The following LRMDA variants were observed in gnomAD, a reference collection of about 807,000 sequenced individuals.
The protein encoded by LRMDA is leucine rich melanocyte differentiation associated, also known as leucine-rich melanocyte differentiation-associated protein.
LRMDA carries 18 observed loss-of-function variants against 29.8 expected under a neutral mutation model. The observed-to-expected ratio is 0.60, with a 90% CI of 0.42 to 0.90. LRMDA has a LOEUF of 0.90. Among genes scored for constraint, LRMDA ranks in the 40% least tolerant of loss-of-function variants. The pLI, the probability that LRMDA is intolerant of heterozygous loss-of-function variation, is 0.00. For missense variants in LRMDA, 273 were observed against 273.9 expected (o/e 1.00, Z 0.02); for synonymous variants, 125 against 109.4 (o/e 1.14, Z -0.89).
At chr10:75,878,426 A>G (rs890319750) in intron 2 of LRMDA, among the ~76,000 whole-genome samples, 2 of 151,804 alleles carry the variant, frequency 1.3e-5, no homozygotes, top group African/African-American at 4.8e-5. Context: ...GCCACCCAAC[A>G]GCTGGACTCT....
chr10:75,618,382 C>CTATATA (rs71477026), intron 2 of LRMDA, among the ~76,000 whole-genome samples: 35 of 77,030 alleles, frequency 4.5e-4, no homozygotes, highest in African/African-American at 1.2e-3. Context: ...CTCTCTCTCT[C>CTATATA]TATATATATA....
intron 4 of LRMDA, among the ~76,000 whole-genome samples, chr10:76,049,194 C>T (rs1415143347): frequency 2.6e-5 from 4 of 152,176 alleles, no homozygotes; most frequent in Non-Finnish European, 4.4e-5. Flanking sequence ...CCAAGCCCAT[C>T]CTCCCCACTC....
chr10:75,514,758 T>C (rs1845270793), intron 2 of LRMDA, among the ~76,000 whole-genome samples: 1 of 152,212 alleles, frequency 6.6e-6, no homozygotes, highest in African/African-American at 2.4e-5. Flanking sequence ...CCTCACCAGA[T>C]ACAGATGCTG....
chr10:75,617,356 G>A (rs1187301489), intron 2 of LRMDA, among the ~76,000 whole-genome samples: 1 of 152,148 alleles, frequency 6.6e-6, no homozygotes, highest in Non-Finnish European at 1.5e-5. Context: ...CAAATGGCTG[G>A]TTGGGAGTAC....
intron 2 of LRMDA, among the ~76,000 whole-genome samples, chr10:75,880,509 C>A (rs1845276744): frequency 6.6e-6 from 1 of 152,162 alleles, no homozygotes; most frequent in South Asian, 2.1e-4. Context: ...CACACAATTC[C>A]TTTGTGAGAT....
At chr10:75,676,108 T>C (rs1157115510) in intron 2 of LRMDA, among the ~76,000 whole-genome samples, 1 of 152,012 alleles carries the variant, frequency 6.6e-6, no homozygotes, top group Non-Finnish European at 1.5e-5. Context: ...TTGCTCCCTT[T>C]CTGGGGAAAG....
At chr10:75,593,928 G>A (rs578129025) in intron 2 of LRMDA, among the ~76,000 whole-genome samples, 1 of 152,228 alleles carries the variant, frequency 6.6e-6, no homozygotes, top group Non-Finnish European at 1.5e-5. Flanking sequence ...TGCTGCTGCC[G>A]CGGGATGATC....
chr10:75,640,135 G>A (rs1487656505), intron 2 of LRMDA, among the ~76,000 whole-genome samples: 2 of 152,230 alleles, frequency 1.3e-5, no homozygotes, highest in East Asian at 3.9e-4. Context: ...CACAGAGTGA[G>A]CAGGCGGGAG....
chr10:76,058,534 G>C, intron 4 of LRMDA, 132 bp from the exon 5 acceptor site: 3 of 733,490 alleles, frequency 4.1e-6, no homozygotes, highest in Non-Finnish European at 4.8e-6. Context: ...TGTGAAAGAA[G>C]AGAGGAGGCG....
intron 5 of LRMDA, among the ~76,000 whole-genome samples, chr10:76,299,349 C>T (rs1840451401): frequency 2.0e-5 from 3 of 152,122 alleles, no homozygotes; most frequent in Admixed American, 6.5e-5. Context: ...ATAAAATGTT[C>T]ATTCCTTTAG....
chr10:76,067,905 C>T (rs1329899902), intron 5 of LRMDA, among the ~76,000 whole-genome samples: 1 of 152,202 alleles, frequency 6.6e-6, no homozygotes, highest in Non-Finnish European at 1.5e-5. Flanking sequence ...AAAGACCCTT[C>T]TGGGCCCATG....
chr10:75,467,109 G>C (rs1173133151), intron 2 of LRMDA, among the ~76,000 whole-genome samples: 1 of 152,170 alleles, frequency 6.6e-6, no homozygotes, highest in Non-Finnish European at 1.5e-5. Context: ...GACATCCTGA[G>C]GGATGCATCA....
At chr10:75,967,525 C>T (rs977163512) in intron 2 of LRMDA, among the ~76,000 whole-genome samples, 1 of 152,176 alleles carries the variant, frequency 6.6e-6, no homozygotes, top group Non-Finnish European at 1.5e-5. Context: ...GCATCATTAT[C>T]ATGTATCAAC....
intron 3 of LRMDA, among the ~76,000 whole-genome samples, chr10:76,037,228 G>A (rs1036251306): frequency 1.3e-5 from 2 of 152,228 alleles, no homozygotes; most frequent in Admixed American, 1.3e-4. Context: ...TCCAATGTCT[G>A]CATTCTACTG....
At chr10:76,294,298 A>C (rs1840386219) in intron 5 of LRMDA, among the ~76,000 whole-genome samples, 1 of 152,174 alleles carries the variant, frequency 6.6e-6, no homozygotes, top group Non-Finnish European at 1.5e-5. Context: ...TTCACACTGG[A>C]AACTCTTTGC....
intron 6 of LRMDA, among the ~76,000 whole-genome samples, chr10:76,345,194 G>A (rs1841090039): frequency 6.8e-6 from 1 of 147,944 alleles, no homozygotes; most frequent in Non-Finnish European, 1.5e-5. Flanking sequence ...AGCCTCCCGA[G>A]TAGCTGGGAC....
intron 2 of LRMDA, among the ~76,000 whole-genome samples, chr10:75,892,180 A>G (rs550808072): frequency 6.6e-6 from 1 of 152,316 alleles, no homozygotes; most frequent in Middle Eastern, 3.4e-3. Context: ...TTCCTTGTCT[A>G]TTCTCATTTT....
chr10:76,326,721 T>C (rs988236058), intron 6 of LRMDA, among the ~76,000 whole-genome samples: 1 of 152,228 alleles, frequency 6.6e-6, no homozygotes, highest in African/African-American at 2.4e-5. Flanking sequence ...ACTTGTCCTT[T>C]TATGTAACTT....
intron 6 of LRMDA, among the ~76,000 whole-genome samples, chr10:76,474,215 GTTAAC>G (rs749258975): frequency 2.4e-4 from 36 of 151,646 alleles, no homozygotes; most frequent in Non-Finnish European, 4.4e-4. Context: ...CATCTACAAA[GTTAAC>G]TTAATATATT....
Sources: allele counts gnomAD v4.1 joint callset (sites outside exome capture counted in the v4.1 genomes callset), GRCh38; gene constraint gnomAD v4.1.1; transcripts MANE v1.5; gene names NCBI Gene and HGNC (gene_info 2026-07-23, HGNC 2026-07-21).